DEFB1: variants seen among roughly 807,000 people sequenced by gnomAD.
DEFB1 encodes defensin beta 1.
Under a neutral mutation model 2.6 loss-of-function variants are expected in DEFB1, and 4 were observed. That is an observed-to-expected ratio of 1.53 (90% CI 0.76 to 3.51). DEFB1 has a LOEUF of 3.51. Among genes scored for constraint, DEFB1 ranks in the 30% most tolerant of loss-of-function variants. The probability of loss-of-function intolerance (pLI) is 0.01; values close to 1 mark genes in which losing one functional copy is unlikely to be tolerated. For synonymous variants in DEFB1, 56 were observed against 28.5 expected, an observed-to-expected ratio of 1.96 and a Z score of -3.07; for missense variants, 162 against 76.9, an observed-to-expected ratio of 2.11 and a Z score of -4.14.
intron 1 of DEFB1, among the ~76,000 whole-genome samples, chr8:6,877,034 A>T (rs1445358656): frequency 1.3e-5 from 2 of 152,146 alleles, no homozygotes; most frequent in African/African-American, 2.4e-5. Flanking sequence ...AGACTTTCTG[A>T]ACTGGAGTGC....
At chr8:6,876,857 CA>C (rs202089473) in intron 1 of DEFB1, among the ~76,000 whole-genome samples, 174 of 16,096 alleles carry the variant, frequency 0.011, no homozygotes, top group African/African-American at 0.063. Flanking sequence ...AAAAAAAAAA[CA>C]AAAAAACAAA....
intron 1 of DEFB1, among the ~76,000 whole-genome samples, chr8:6,873,697 G>C (rs1252426252): frequency 6.6e-6 from 1 of 152,088 alleles, no homozygotes; most frequent in African/African-American, 2.4e-5. Flanking sequence ...GCAGAGGAGT[G>C]TGGAAAACTA....
intron 1 of DEFB1, among the ~76,000 whole-genome samples, chr8:6,872,093 T>C (rs892739933): frequency 3.3e-5 from 5 of 152,142 alleles, no homozygotes; most frequent in Admixed American, 1.3e-4. Flanking sequence ...CTCTTCTCAT[T>C]GTCCTCAATG....
At chr8:6,871,650 A>G (rs1563394991) in intron 1 of DEFB1, among the ~76,000 whole-genome samples, 1 of 152,174 alleles carries the variant, frequency 6.6e-6, no homozygotes, top group Non-Finnish European at 1.5e-5. Flanking sequence ...TTCAAGTTAA[A>G]CACGGTCATT....
chr8:6,874,145 ACGCACACACACG>A (rs1457342304), intron 1 of DEFB1, among the ~76,000 whole-genome samples: 1 of 83,278 alleles, frequency 1.2e-5, no homozygotes, highest in Admixed American at 1.2e-4. Context: ...ACACACACAC[ACGCACACACACG>A]CACATGTGCA....
rs1447236728 is a variant in DEFB1, at chr8:6,870,599, CA to C, written c.*81del. On this transcript the variant is annotated 3_prime_UTR_variant, in exon 2 of 2. Coordinates refer to ENST00000297439, the MANE Select transcript of DEFB1 (RefSeq NM_005218.4). ...ATTTTGGCCCAAAGGAGGTATACTT[CA>C]AAAGCAATTTTCCTTTATTAAAAGA... 4.5e-6 allele frequency: 7 copies of C among 1,550,662 alleles called. No individual in the cohort carries two copies. The East Asian group carries it at 1.6e-4, about 35-fold the overall frequency.
intron 1 of DEFB1, among the ~76,000 whole-genome samples, chr8:6,877,440 C>T (rs562813539): frequency 1.6e-4 from 24 of 152,350 alleles, no homozygotes; most frequent in African/African-American, 4.3e-4. Context: ...AGGATGGGGC[C>T]GGCCCCTCTC....
At chr8:6,874,394 A>G (rs943894678) in intron 1 of DEFB1, among the ~76,000 whole-genome samples, 1 of 152,380 alleles carries the variant, frequency 6.6e-6, no homozygotes, top group East Asian at 1.9e-4. Context: ...ACCAAATACC[A>G]TGGGAATCCC....
intron 1 of DEFB1, among the ~76,000 whole-genome samples, chr8:6,876,339 G>C (rs895155482): frequency 6.6e-6 from 1 of 152,072 alleles, no homozygotes; most frequent in African/African-American, 2.4e-5. Context: ...AGCCAGGCTT[G>C]GTGGCATGCA....
intron 1 of DEFB1, among the ~76,000 whole-genome samples, chr8:6,873,108 G>A (rs993073820): frequency 1.3e-5 from 2 of 152,200 alleles, no homozygotes; most frequent in African/African-American, 4.8e-5. Flanking sequence ...AATTTAATAT[G>A]GATGTAGCTT....
rs1335914719 is a variant in DEFB1 at position 6,875,074 on chromosome 8, A to ACG, written c.61+2722_61+2723insCG. Among the ~76,000 whole-genome samples, 24 of 147,672 alleles carry ACG rather than the reference A, an allele frequency of 1.6e-4. No individual in the cohort carries two copies. The South Asian group carries it at 1.9e-3, about 12-fold the overall frequency. ...TACTTCATACCGAAGCCACACACAC[A>ACG]CACACACACACACACACACACACAC... On this transcript the variant is annotated intron_variant, in intron 1 of 1. Coordinates refer to ENST00000297439, the MANE Select transcript of DEFB1 (RefSeq NM_005218.4).
At chr8:6,870,886 A>C (rs1199007095) in intron 1 of DEFB1, 60 bp from the exon 2 acceptor site, 1 of 1,538,750 alleles carries the variant, frequency 6.5e-7, no homozygotes, top group Non-Finnish European at 8.8e-7. Flanking sequence ...CGATTTGAGA[A>C]CATCTCGCGA....
chr8:6,877,155 C>G (rs987413730), intron 1 of DEFB1, among the ~76,000 whole-genome samples: 2 of 152,172 alleles, frequency 1.3e-5, no homozygotes, highest in African/African-American at 4.8e-5. Flanking sequence ...AACATGTTCC[C>G]GATTCCTCCT....
At chr8:6,875,826 C>G (rs1439240544) in intron 1 of DEFB1, among the ~76,000 whole-genome samples, 1 of 151,744 alleles carries the variant, frequency 6.6e-6, no homozygotes. Flanking sequence ...ACAAACCAAG[C>G]TGTACTATTC....
chr8:6,875,064 CCACACACACACACACACACACA>C (rs61101914), intron 1 of DEFB1, among the ~76,000 whole-genome samples: 9 of 135,724 alleles, frequency 6.6e-5, no homozygotes, highest in East Asian at 4.4e-4. Flanking sequence ...CATACCGAAG[CCACACACACACACACACACACA>C]CACACACACA....
chr8:6,873,224 G>A (rs1207260915), intron 1 of DEFB1, among the ~76,000 whole-genome samples: 1 of 152,156 alleles, frequency 6.6e-6, no homozygotes, highest in Non-Finnish European at 1.5e-5. Flanking sequence ...CATGTAGCTG[G>A]TCAAAGACCA....
chr8:6,876,684 T>A (rs188308943), intron 1 of DEFB1, among the ~76,000 whole-genome samples: 31 of 151,672 alleles, frequency 2.0e-4, no homozygotes, highest in African/African-American at 6.8e-4. Flanking sequence ...ATGCCTGTAG[T>A]CACAGTTTCT....
intron 1 of DEFB1, among the ~76,000 whole-genome samples, chr8:6,874,536 T>G (rs5743464): frequency 1.3e-5 from 2 of 151,758 alleles, no homozygotes; most frequent in Non-Finnish European, 2.9e-5. Context: ...GTGTAGAGCG[T>G]CTGTAATTAA....
chr8:6,875,401 A>G (rs1285493842), intron 1 of DEFB1, among the ~76,000 whole-genome samples: 2 of 152,232 alleles, frequency 1.3e-5, no homozygotes, highest in Non-Finnish European at 2.9e-5. Flanking sequence ...TAGAAAATAC[A>G]TAAAGAACTA....
Sources: allele counts gnomAD v4.1 joint callset (sites outside exome capture counted in the v4.1 genomes callset), GRCh38; gene constraint gnomAD v4.1.1; transcripts MANE v1.5; gene names NCBI Gene and HGNC (gene_info 2026-07-23, HGNC 2026-07-21).